MINK1: variants seen among roughly 807,000 people sequenced by gnomAD.
The protein encoded by MINK1 is misshapen like kinase 1.
In MINK1, 46 loss-of-function variants were observed where a neutral mutation model predicts 178.4. That is an observed-to-expected ratio of 0.26 (90% CI 0.20 to 0.33). MINK1 has a LOEUF of 0.33. Among genes scored for constraint, MINK1 ranks in the 10% least tolerant of loss-of-function variants. The pLI, the probability that MINK1 is intolerant of heterozygous loss-of-function variation, is 1.00. For synonymous variants in MINK1, 797 were observed against 709.7 expected (o/e 1.12, Z -1.96); for missense variants, 1,366 against 1,814.9 (o/e 0.75, Z 4.49).
intron 12 of MINK1, among the ~76,000 whole-genome samples, chr17:4,888,066 A>G (rs1233830204): frequency 1.3e-5 from 2 of 152,038 alleles, no homozygotes; most frequent in Non-Finnish European, 2.9e-5. Flanking sequence ...TAATACAAAA[A>G]TTAGCCAGGT....
Position 4,885,706 on chromosome 17 carries a change from G to A in MINK1, c.639+93G>A. On this transcript the variant is annotated intron_variant, in intron 7 of 31. Transcript: ENST00000355280. The surrounding 1 kb of genome is among the most constrained non-coding windows in gnomAD (Gnocchi z 5.0). ...CTGAGCAGGCTGGGGAACAGAGGAAGGTCAGATGATGTTAGCAGTGAGGGG... is the reference window on the plus strand; with the variant it reads ...CTGAGCAGGCTGGGGAACAGAGGAAAGTCAGATGATGTTAGCAGTGAGGGG... 6.5e-7 allele frequency: 1 copy of A among 1,546,768 alleles called. No homozygotes were observed. The highest frequency in any genetic ancestry group is 8.8e-7 in the Non-Finnish European group (1 of 1,133,960).
In MINK1 at chr17:4,897,407, G is replaced by A; in HGVS notation, c.*120G>A. 1.1e-6 allele frequency: 1 copy of A among 870,492 alleles called. No individual in the cohort carries two copies. Among genetic ancestry groups the A allele is most frequent in the Admixed American group, 2.4e-5 (1 of 41,528 alleles). The allele number at this position is 870,492 out of a possible 1,614,324, so 53.9% of individuals were successfully genotyped here. A position where few individuals can be genotyped will look rare whatever the true frequency, so the allele number is the denominator to read the frequency against. The stretch of plus-strand genomic sequence containing the variant: ...TGCTTTTACTGGTTTGATTTCACTG[G>A]AGCCTGCTGGGAACGTGACCTCTGA... On this transcript the variant is annotated 3_prime_UTR_variant, in exon 32 of 32. Transcript: ENST00000355280.
intron 1 of MINK1, among the ~76,000 whole-genome samples, chr17:4,872,420 C>G (rs1385622959): frequency 6.6e-6 from 1 of 151,918 alleles, no homozygotes; most frequent in East Asian, 1.9e-4. Context: ...AGGTGGATCT[C>G]TTTAGCTCAG....
chr17:4,862,889 G>A (rs564129996), intron 1 of MINK1, among the ~76,000 whole-genome samples: 3 of 151,854 alleles, frequency 2.0e-5, no homozygotes, highest in Non-Finnish European at 2.9e-5. Context: ...TTAAAAAGTA[G>A]CTGGGCATGA....
Position 4,848,495 on chromosome 17 carries a change from G to A in MINK1, c.57+14855G>A, listed in dbSNP as rs552575120. ...CCTGCCTCAGCCTCCCAAGTAGCTG[G>A]GACTACAGGCACCTGCCACCACACC... On this transcript the variant is annotated intron_variant, in intron 1 of 31. Coordinates refer to ENST00000355280, the MANE Select transcript of MINK1 (RefSeq NM_153827.5). Among the ~76,000 whole-genome samples, 11 of 152,122 alleles carry A rather than the reference G, an allele frequency of 7.2e-5. No homozygotes were observed. The South Asian group carries it at 2.3e-3, about 32-fold the overall frequency.
At chr17:4,837,971 C>G (rs1270443016) in intron 1 of MINK1, among the ~76,000 whole-genome samples, 1 of 152,132 alleles carries the variant, frequency 6.6e-6, no homozygotes, top group Non-Finnish European at 1.5e-5. Flanking sequence ...CAGCACCACT[C>G]GGAAAGCTGG....
At chr17:4,834,104 T>G (rs1265843246) in intron 1 of MINK1, among the ~76,000 whole-genome samples, 1 of 152,096 alleles carries the variant, frequency 6.6e-6, no homozygotes, top group East Asian at 1.9e-4. Flanking sequence ...CTCTCATCCC[T>G]CTTTCTCTGC....
At chr17:4,858,802 T>C (rs1040679736) in intron 1 of MINK1, among the ~76,000 whole-genome samples, 3 of 152,238 alleles carry the variant, frequency 2.0e-5, no homozygotes, top group African/African-American at 7.2e-5. Context: ...TCAGAATCTT[T>C]CTGGCTGCTG....
At chr17:4,871,708 T>G (rs981002265) in intron 1 of MINK1, among the ~76,000 whole-genome samples, 10 of 152,154 alleles carry the variant, frequency 6.6e-5, no homozygotes, top group Admixed American at 1.3e-4. Flanking sequence ...AATGGCTGAG[T>G]GATATGATAA....
intron 2 of MINK1, among the ~76,000 whole-genome samples, chr17:4,879,886 A>T (rs920369319): frequency 6.6e-6 from 1 of 152,140 alleles, no homozygotes; most frequent in Admixed American, 6.5e-5. Context: ...GGTGAAGTTG[A>T]TTCTGGGAGA....
intron 1 of MINK1, chr17:4,868,737 A>G: frequency 5.2e-6 from 1 of 193,198 alleles, no homozygotes; most frequent in Non-Finnish European, 1.1e-5. Flanking sequence ...CCATGTACTG[A>G]TTTCTTCTCT....
rs757374374 is a variant in MINK1 at position 4,891,737 on chromosome 17, C to T, written c.2001+21C>T. On this transcript the variant is annotated intron_variant, in intron 16 of 31. Coordinates refer to ENST00000355280, the MANE Select transcript of MINK1 (RefSeq NM_153827.5). ...CCAAGGTAAGGACAGTTCTGCAGGC[C>T]CAGGGAAAAGCAGAGAGCTAGTCAT... 7 of 1,586,810 alleles carry T rather than the reference C, an allele frequency of 4.4e-6. 1 individual carries two copies. In the Middle Eastern group the frequency reaches 6.7e-4, roughly 151 times the overall value.
chr17:4,834,250 G>C (rs1908946697), intron 1 of MINK1, among the ~76,000 whole-genome samples: 1 of 152,122 alleles, frequency 6.6e-6, no homozygotes, highest in South Asian at 2.1e-4. Context: ...TTCAGAACCA[G>C]GCATTTCCGG....
At chr17:4,872,473 A>G (rs903971161) in intron 1 of MINK1, among the ~76,000 whole-genome samples, 1 of 151,822 alleles carries the variant, frequency 6.6e-6, no homozygotes, top group African/African-American at 2.4e-5. Context: ...CCCCGTCTAC[A>G]TAAAAAGTAC....
In MINK1 at chr17:4,893,421, C is replaced by G. The variant is rs369718047; in HGVS notation, c.2401-13C>G. The G allele has an allele frequency of 3.1e-6, 5 of 1,598,822 alleles. No homozygotes were observed. Among genetic ancestry groups the G allele is most frequent in the Middle Eastern group, 1.7e-4 (1 of 6,050 alleles). On this transcript the variant is annotated splice_polypyrimidine_tract_variant and intron_variant, in intron 20 of 31. Transcript: ENST00000355280. ...CAGCTTCTCCCTGCCCCTCACGTGG[C>G]TCCTCCCTGCAGGACTTTGTGTTGC...
chr17:4,891,225 C>T, intron 15 of MINK1, 101 bp downstream of exon 15: 3 of 1,154,186 alleles, frequency 2.6e-6, no homozygotes, highest in South Asian at 1.6e-5. Flanking sequence ...CACACACACA[C>T]CTGCTCAGCC....
In MINK1 at chr17:4,890,624, G is replaced by A. The variant is rs1386304554; in HGVS notation, c.1455G>A (p.Gln485=). The part of the protein sequence containing the change: ...YLKSLQQQQQ[Q]QQLQKQQQQQ... ...AGTCCCTGCAGCAGCAGCAACAGCA[G>A]CAGCAGCTTCAGAAACAGCAGCAGC... The change falls in exon 14 of 32, where the codon CAG becomes CAA. Residue 485 remains glutamine (Q), a synonymous_variant. Coordinates refer to ENST00000355280, the MANE Select transcript of MINK1 (RefSeq NM_153827.5). 1.9e-6 allele frequency: 3 copies of A among 1,557,518 alleles called. No individual in the cohort carries two copies. In the Admixed American group the frequency reaches 5.8e-5, roughly 30 times the overall value.
chr17:4,865,063 T>C (rs921792682), intron 1 of MINK1, among the ~76,000 whole-genome samples: 5 of 151,988 alleles, frequency 3.3e-5, no homozygotes, highest in African/African-American at 1.2e-4. Context: ...GCAGGAGGAG[T>C]GTCACTCCAT....
At chr17:4,838,680 T>C (rs1051225160) in intron 1 of MINK1, among the ~76,000 whole-genome samples, 3 of 152,148 alleles carry the variant, frequency 2.0e-5, no homozygotes, top group African/African-American at 7.2e-5. Flanking sequence ...ATAAAGCAAT[T>C]CTGGACTGGA....
Sources: allele counts gnomAD v4.1 joint callset (sites outside exome capture counted in the v4.1 genomes callset), GRCh38; gene constraint gnomAD v4.1.1; non-coding constraint Gnocchi (gnomAD v3.1); transcripts MANE v1.5; gene names NCBI Gene and HGNC (gene_info 2026-07-23, HGNC 2026-07-21).